APPL2: variants seen among roughly 807,000 people sequenced by gnomAD.
The protein encoded by APPL2 is DCC-interacting protein 13-beta.
APPL2 carries 84 observed loss-of-function variants against 92.7 expected under a neutral mutation model. The ratio of observed to expected loss-of-function variants is 0.91; its 90% CI spans 0.76 to 1.09. APPL2 has a LOEUF of 1.09. APPL2 is among the 50% of genes least tolerant of loss of function. APPL2 has a pLI of 0.00. For synonymous variants in APPL2, 291 were observed against 291.0 expected (o/e 1.00, Z 0.00); for missense variants, 736 against 824.5 (o/e 0.89, Z 1.31).
chr12:105,174,327 T>G lies in APPL2; in HGVS notation c.1982A>C (p.Glu661Ala), dbSNP rs1223044810. The G allele has an allele frequency of 6.2e-7, 1 of 1,613,922 alleles. No homozygotes were observed. The highest frequency in any genetic ancestry group is 8.5e-7 in the Non-Finnish European group (1 of 1,179,922). ...GGCGCAAGTGAGTTATGCTTCGGAT[T>G]CTGCGCCTCTATGTTCGTTTGGATT... ...DGNPNEHRGA[E>A]SEA The change falls in exon 21 of 21, where the codon GAA becomes GCA. Residue 661 changes from glutamate to alanine, a missense_variant. Transcript: ENST00000258530.
chr12:105,177,413 T>G, intron 17 of APPL2, 151 bp from the exon 18 acceptor site: 1 of 743,538 alleles, frequency 1.3e-6, no homozygotes, highest in Non-Finnish European at 2.2e-6. Context: ...TGTGACCACG[T>G]GTCCTGCTTT....
intron 4 of APPL2, 134 bp from the exon 5 acceptor site, chr12:105,211,451 T>C: frequency 1.6e-6 from 1 of 630,954 alleles, no homozygotes. Context: ...AGCAAGTAAG[T>C]ACCCTTCATA....
chr12:105,184,256 T>A (rs547145075), intron 17 of APPL2, among the ~76,000 whole-genome samples: 4 of 152,338 alleles, frequency 2.6e-5, no homozygotes, highest in Admixed American at 2.6e-4. Context: ...GAAGCCTCTT[T>A]CTGTAAATTC....
intron 17 of APPL2, among the ~76,000 whole-genome samples, chr12:105,187,064 C>T (rs987909802): frequency 4.6e-5 from 7 of 152,168 alleles, no homozygotes; most frequent in African/African-American, 1.7e-4. Context: ...TGGTTTTTCA[C>T]AGTACTTTTA....
rs529917334 is a variant in APPL2 at position 105,200,887 on chromosome 12, T to A, written c.705-1356A>T. Among the ~76,000 whole-genome samples, 370 of 125,738 alleles carry A rather than the reference T, an allele frequency of 2.9e-3. 6 individuals carry two copies. The East Asian group carries it at 0.074, about 25-fold the overall frequency. The allele number at this position is 125,738 out of a possible 152,430, so 82.5% of individuals were successfully genotyped here. ...ATGTATCTATCTATCTATCTATCTA[T>A]CTATCTATCTATCTATCCTATCTAT... On this transcript the variant is annotated intron_variant, in intron 9 of 20. Coordinates refer to ENST00000258530, the MANE Select transcript of APPL2 (RefSeq NM_018171.5).
chr12:105,229,349 C>T, intron 1 of APPL2, 126 bp from the exon 2 acceptor site: 1 of 947,582 alleles, frequency 1.1e-6, no homozygotes, highest in Non-Finnish European at 1.5e-6. Context: ...CCTGTTGGTT[C>T]CCTGGCTTCT....
At position 105,224,920 on chromosome 12, in the gene APPL2, C is replaced by G. The variant is rs186735984; in HGVS notation, c.153+4205G>C. On this transcript the variant is annotated intron_variant, in intron 2 of 20. Coordinates refer to ENST00000258530, the MANE Select transcript of APPL2 (RefSeq NM_018171.5). ...AAATTATGCATACTTTACTCCTATT[C>G]CCTCCCACTGTCTTTACCCCAATTT... Among the ~76,000 whole-genome samples, 9 of 152,248 alleles carry G rather than the reference C, an allele frequency of 5.9e-5. No individual in the cohort carries two copies. The East Asian group carries it at 1.2e-3, about 20-fold the overall frequency.
At position 105,208,154 on chromosome 12, in the gene APPL2, C is replaced by T. The variant is rs1888907864; in HGVS notation, c.415+4G>A. 2 of 1,614,090 alleles carry T rather than the reference C, an allele frequency of 1.2e-6. No individual in the cohort carries two copies. The highest frequency in any genetic ancestry group is 2.7e-5 in the African/African-American group (2 of 74,944). On this transcript the variant is annotated splice_donor_region_variant and intron_variant, in intron 6 of 20. Coordinates refer to ENST00000258530, the MANE Select transcript of APPL2 (RefSeq NM_018171.5). ...CACACACCAGGAATGGAGAAGGTGC[C>T]TACCATTGCTAGCGAGTCCAAATAG...
intron 1 of APPL2, among the ~76,000 whole-genome samples, chr12:105,233,860 T>C (rs1313718768): frequency 6.6e-6 from 1 of 152,250 alleles, no homozygotes; most frequent in Non-Finnish European, 1.5e-5. Flanking sequence ...GTAAAGCATT[T>C]AGAAGAGTCC....
chr12:105,186,577 A>G (rs1233311741), intron 17 of APPL2, among the ~76,000 whole-genome samples: 3 of 128,818 alleles, frequency 2.3e-5, no homozygotes, highest in African/African-American at 1.1e-4. Context: ...GTTTCTTCAC[A>G]TCCTTGCTAA....
intron 9 of APPL2, among the ~76,000 whole-genome samples, chr12:105,199,990 GTT>G (rs988663027): frequency 2.8e-5 from 4 of 143,456 alleles, no homozygotes; most frequent in Admixed American, 2.1e-4. Flanking sequence ...GGCTAATTTT[GTT>G]TTTTTTTTTT....
chr12:105,195,263 G>A lies in APPL2; in HGVS notation c.1239C>T (p.Pro413=). ...SFGKKQESSC[P]SQNLKNSEME... Reference sequence around the variant, plus strand: ...GTTTTTCTTTGTCCTTTAGTTACCTGGGGCATGAGCTTTCTTGTTTTTTTC... The same window carrying A: ...GTTTTTCTTTGTCCTTTAGTTACCTAGGGCATGAGCTTTCTTGTTTTTTTC... The change falls in exon 14 of 21, where the codon CCC becomes CCT. Residue 413 remains proline (P), a splice_region_variant and synonymous_variant. Transcript: ENST00000258530. 6.2e-7 allele frequency: 1 copy of A among 1,614,028 alleles called. No homozygotes were observed. Among genetic ancestry groups the A allele is most frequent in the Non-Finnish European group, 8.5e-7 (1 of 1,179,904 alleles).
intron 7 of APPL2, 133 bp from the exon 8 acceptor site, chr12:105,207,340 C>G (rs1159553075): frequency 1.1e-6 from 1 of 937,424 alleles, no homozygotes; most frequent in Non-Finnish European, 1.5e-6. Context: ...ACAGATAAGG[C>G]TGCACTTCAA....
chr12:105,184,014 C>T (rs1303968997), intron 17 of APPL2, among the ~76,000 whole-genome samples: 2 of 152,122 alleles, frequency 1.3e-5, no homozygotes, highest in Admixed American at 6.5e-5. Context: ...AGTTAATCTT[C>T]AATCTCTGGT....
At chr12:105,220,743 G>A (rs1186370232) in intron 2 of APPL2, among the ~76,000 whole-genome samples, 1 of 152,172 alleles carries the variant, frequency 6.6e-6, no homozygotes, top group Non-Finnish European at 1.5e-5. Context: ...GGAACTGCCA[G>A]CATCAGGCTG....
intron 10 of APPL2, 33 bp downstream of exon 10, chr12:105,199,340 T>C (rs771381286): frequency 1.9e-6 from 3 of 1,595,036 alleles, no homozygotes; most frequent in Non-Finnish European, 2.6e-6. Flanking sequence ...GAAAACGGAT[T>C]TCAGAAAAAG....
Position 105,227,487 on chromosome 12 carries a change from G to A in APPL2, c.153+1638C>T, listed in dbSNP as rs113813653. On this transcript the variant is annotated intron_variant, in intron 2 of 20. Transcript: ENST00000258530. ...ATGACAGATATGCACTCACAGGCAC[G>A]CACACACACTCATACGCACCCTGCG... is the stretch of plus-strand genomic sequence containing the variant. Among the ~76,000 whole-genome samples, 268 of 152,186 alleles carry A rather than the reference G, an allele frequency of 1.8e-3. 1 individual carries two copies. Among genetic ancestry groups the A allele is most frequent in the African/African-American group, 6.1e-3 (255 of 41,510 alleles).
chr12:105,193,584 G>A (rs1196458047), intron 14 of APPL2, among the ~76,000 whole-genome samples: 1 of 152,206 alleles, frequency 6.6e-6, no homozygotes, highest in African/African-American at 2.4e-5. Context: ...CTCGCTGACT[G>A]GATCTTTAGT....
intron 3 of APPL2, among the ~76,000 whole-genome samples, chr12:105,217,348 CCTTT>C (rs1285497670): frequency 2.6e-5 from 4 of 152,190 alleles, no homozygotes; most frequent in African/African-American, 9.7e-5. Flanking sequence ...CCTGGCCATT[CCTTT>C]CTGTCAAACA....
Sources: allele counts gnomAD v4.1 joint callset (sites outside exome capture counted in the v4.1 genomes callset), GRCh38; gene constraint gnomAD v4.1.1; transcripts MANE v1.5; gene names NCBI Gene and HGNC (gene_info 2026-07-23, HGNC 2026-07-21).